The following SCAMP3 variants were observed in gnomAD, a reference collection of about 807,000 sequenced individuals.
SCAMP3 encodes the protein secretory carrier membrane protein 3, also known as secretory carrier-associated membrane protein 3.
SCAMP3 carries 30 observed loss-of-function variants against 44.1 expected under a neutral mutation model. The observed-to-expected ratio is 0.68, with a 90% confidence interval of 0.51 to 0.92. SCAMP3 has a LOEUF of 0.92. Ranked by LOEUF, SCAMP3 falls within the 40% of genes least tolerant of loss-of-function variation. The pLI, the probability that SCAMP3 is intolerant of heterozygous loss-of-function variation, is 0.00. For missense variants in SCAMP3, 394 were observed against 440.0 expected, an observed-to-expected ratio of 0.90 and a Z score of 0.93; for synonymous variants, 168 against 171.1, an observed-to-expected ratio of 0.98 and a Z score of 0.14.
chr1:155,260,193 C>T (rs774313058), intron 4 of SCAMP3, 137 bp downstream of exon 4: 29 of 1,015,744 alleles, frequency 2.9e-5, no homozygotes, highest in African/African-American at 3.2e-5. Flanking sequence ...CTCTTGACCT[C>T]GTGATCCGCC....
At chr1:155,257,946 G>A (rs1332336521) in intron 5 of SCAMP3, among the ~76,000 whole-genome samples, 4 of 151,604 alleles carry the variant, frequency 2.6e-5, no homozygotes, top group Admixed American at 6.6e-5. Context: ...CCCGGTTCAC[G>A]CCATTCTCCT....
At chr1:155,260,247 C>G in intron 4 of SCAMP3, 83 bp downstream of exon 4, 1 of 1,548,538 alleles carries the variant, frequency 6.5e-7, no homozygotes, top group Non-Finnish European at 8.8e-7. Flanking sequence ...TGTGAGCCAC[C>G]GCACCCAGCC....
At position 155,262,068 on chromosome 1, in the gene SCAMP3, C is replaced by A; in HGVS notation, c.66+18G>T. ...AATCAACCTGACCGCCCAAAAGAGG[C>A]CGACTGGCGCAAGTCACCTGAAAGG... On this transcript the variant is annotated intron_variant, in intron 1 of 8. Coordinates refer to ENST00000302631, the MANE Select transcript of SCAMP3 (RefSeq NM_005698.4). The A allele has an allele frequency of 6.2e-7, 1 of 1,612,662 alleles. No individual in the cohort carries two copies. The highest frequency in any genetic ancestry group is 8.5e-7 in the Non-Finnish European group (1 of 1,178,884).
Position 155,256,717 on chromosome 1 carries a change from A to G in SCAMP3, c.854T>C (p.Leu285Pro), listed in dbSNP as rs1224429798. 6.2e-7 allele frequency: 1 copy of G among 1,614,202 alleles called. No individual in the cohort carries two copies. The highest frequency in any genetic ancestry group is 8.5e-7 in the Non-Finnish European group (1 of 1,180,022). The change falls in exon 8 of 9, where the codon CTC (leucine) becomes CCC (proline). Residue 285 changes from leucine (L) to proline (P), a missense_variant. Coordinates refer to ENST00000302631, the MANE Select transcript of SCAMP3 (RefSeq NM_005698.4). ...VSVLMLLVAL[L>P]FTGIAVLGIV... ...TCCTAGCACAGCAATGCCAGTGAAG[A>G]GCAGGGCGACCAGCAGCATGAGCAC...
rs528912834 is a variant in SCAMP3 at position 155,261,943 on chromosome 1, C to G, written c.66+143G>C. ...GGCAGGGCCCGCCCCCCAGAGTGCT[C>G]ACTGGTCTGGAGTCACTGTCACCCC... On this transcript the variant is annotated intron_variant, in intron 1 of 8. Transcript: ENST00000302631. The G allele has an allele frequency of 1.4e-4, 121 of 870,636 alleles. 1 individual carries two copies. In the Middle Eastern group the frequency reaches 1.8e-3, roughly 13 times the overall value. 53.9% of individuals were successfully genotyped at this position (870,636 alleles called of 1,614,324 possible). A position where few individuals can be genotyped will look rare whatever the true frequency, so the allele number is the denominator to read the frequency against.
chr1:155,261,407 A>G, intron 2 of SCAMP3: 1 of 547,732 alleles, frequency 1.8e-6, no homozygotes, highest in Middle Eastern at 3.0e-4. Flanking sequence ...CATACAGAAC[A>G]TTGGTTAAGG....
In SCAMP3 at chr1:155,256,252, C is replaced by T. The variant is rs1402639211; in HGVS notation, c.*21G>A. The T allele has an allele frequency of 7.8e-6, 12 of 1,541,782 alleles. No individual in the cohort carries two copies. Among genetic ancestry groups the T allele is most frequent in the Non-Finnish European group, 2.6e-6 (3 of 1,141,216 alleles). On this transcript the variant is annotated 3_prime_UTR_variant, in exon 9 of 9. Transcript: ENST00000302631. ...AAGTCAGCTCCCTCAAGTAGCAGGG[C>T]CAGGGCATCCCAGTCAGGGGTCACG... is the stretch of plus-strand genomic sequence containing the variant.
In SCAMP3 at chr1:155,257,303, A is replaced by AT. The variant is rs1360312114; in HGVS notation, c.760dup (p.Ile254AsnfsTer88). On this transcript the variant is annotated frameshift_variant, in exon 7 of 9. Coordinates refer to ENST00000302631, the MANE Select transcript of SCAMP3 (RefSeq NM_005698.4). LOFTEE classifies it high-confidence loss of function. ...CACAAACCTGAATCCCCAACCTGGG[A>AT]TACCAATGGCCTGGAGGACAAAGAG... is the stretch of plus-strand genomic sequence containing the variant. 1 of 1,613,236 alleles carries AT rather than the reference A, an allele frequency of 6.2e-7. No homozygotes were observed. Among genetic ancestry groups the AT allele is most frequent in the South Asian group, 1.1e-5 (1 of 91,044 alleles).
intron 4 of SCAMP3, among the ~76,000 whole-genome samples, chr1:155,259,956 T>G (rs1256658622): frequency 7.2e-6 from 1 of 138,942 alleles, no homozygotes; most frequent in Non-Finnish European, 1.6e-5. Context: ...CAGGTTTGTG[T>G]TTTTTTTTTT....
At position 155,258,714 on chromosome 1, in the gene SCAMP3, G is replaced by T. The variant is rs1049379730; in HGVS notation, c.517+112C>A. ...GGGGAGAGGGCAAGAACATTTGCTA[G>T]CAGGCTGGTGAGTTCTAAATAGAGG... On this transcript the variant is annotated intron_variant, in intron 5 of 8. Transcript: ENST00000302631. 5.2e-6 allele frequency: 5 copies of T among 954,778 alleles called. No individual in the cohort carries two copies. The African/African-American group carries it at 6.8e-5, about 13-fold the overall frequency. 59.1% of individuals were successfully genotyped at this position (954,778 alleles called of 1,614,324 possible).
At chr1:155,257,473 A>G in intron 6 of SCAMP3, 25 bp downstream of exon 6, 1 of 1,612,586 alleles carries the variant, frequency 6.2e-7, no homozygotes, top group Non-Finnish European at 8.5e-7. Flanking sequence ...GGTCTCCATC[A>G]CTCTCCCACC....
intron 2 of SCAMP3, 70 bp from the exon 3 acceptor site, chr1:155,260,729 C>T (rs1204347590): frequency 7.4e-7 from 1 of 1,360,492 alleles, no homozygotes; most frequent in Non-Finnish European, 1.0e-6. Flanking sequence ...TGCTTGAATA[C>T]CTTTAGACCC....
At chr1:155,261,222 G>T in intron 2 of SCAMP3, 1 of 179,634 alleles carries the variant, frequency 5.6e-6, no homozygotes, top group Non-Finnish European at 1.2e-5. Flanking sequence ...CACCATGCTT[G>T]GCTTTTTTTT....
At chr1:155,258,751 G>A in intron 5 of SCAMP3, 75 bp downstream of exon 5, 1 of 1,411,930 alleles carries the variant, frequency 7.1e-7, no homozygotes, top group Non-Finnish European at 9.6e-7. Context: ...GAAGTGTTTG[G>A]TTCTTGGTGA....
intron 8 of SCAMP3, 55 bp downstream of exon 8, chr1:155,256,619 C>T: frequency 1.3e-6 from 2 of 1,510,886 alleles, no homozygotes; most frequent in Non-Finnish European, 1.8e-6. Flanking sequence ...TCCACCCACG[C>T]CCCTGGGGAC....
chr1:155,260,309 C>T (rs1215138238), intron 4 of SCAMP3, 21 bp downstream of exon 4: 1 of 1,607,740 alleles, frequency 6.2e-7, no homozygotes, highest in Admixed American at 1.7e-5. Flanking sequence ...CTCAGATGCT[C>T]TTCCCCACTC....
Position 155,260,353 on chromosome 1 carries a change from T to C in SCAMP3, c.365A>G (p.His122Arg), listed in dbSNP as rs143921371. ...ELDRRERELQ[H>R]AALGGTATRQ... ...ACTAGCTGTGCCCCCCAGGGCAGCA[T>C]GCTGCAGCTCTCGCTCCCTTCGGTC... The change falls in exon 4 of 9, where the codon CAT (histidine) becomes CGT (arginine). Residue 122 changes from histidine (H) to arginine (R), a missense_variant. Physicochemically the swap from His to Arg is conservative, Grantham distance 29. Coordinates refer to ENST00000302631, the MANE Select transcript of SCAMP3 (RefSeq NM_005698.4). 3 of 1,612,872 alleles carry C rather than the reference T, an allele frequency of 1.9e-6. No homozygotes were observed. The highest frequency in any genetic ancestry group is 2.7e-5 in the African/African-American group (2 of 74,940).
At chr1:155,260,686 A>ATC in intron 2 of SCAMP3, 27 bp from the exon 3 acceptor site, 2 of 1,581,022 alleles carry the variant, frequency 1.3e-6, no homozygotes, top group Non-Finnish European at 1.7e-6. Flanking sequence ...CTTAGTGATC[A>ATC]TCTAGTCCCT....
At chr1:155,256,579 G>T in intron 8 of SCAMP3, 95 bp downstream of exon 8, 3 of 1,374,792 alleles carry the variant, frequency 2.2e-6, no homozygotes, top group Non-Finnish European at 2.1e-6. Flanking sequence ...CAACCCAGCA[G>T]CCTGACCTGT....
Sources: allele counts gnomAD v4.1 joint callset (sites outside exome capture counted in the v4.1 genomes callset), GRCh38; gene constraint gnomAD v4.1.1; transcripts MANE v1.5; gene names NCBI Gene and HGNC (gene_info 2026-07-23, HGNC 2026-07-21).